CHCHD6: variants seen among roughly 807,000 people sequenced by gnomAD.
The protein encoded by CHCHD6 is MICOS complex subunit MIC25.
In CHCHD6, 28 loss-of-function variants were observed where a neutral mutation model predicts 32.3. The ratio of observed to expected loss-of-function variants is 0.87; its 90% CI spans 0.64 to 1.19. The LOEUF is 1.19. Among genes scored for constraint, CHCHD6 ranks in the 50% most tolerant of loss-of-function variants. The pLI is 0.00. For missense variants in CHCHD6, 333 were observed against 307.0 expected, an observed-to-expected ratio of 1.08 and a Z score of -0.63; for synonymous variants, 122 against 117.5, an observed-to-expected ratio of 1.04 and a Z score of -0.25.
chr3:126,730,707 T>A (rs1333499964), intron 3 of CHCHD6, 77 bp downstream of exon 3: 7 of 1,222,470 alleles, frequency 5.7e-6, no homozygotes, highest in Non-Finnish European at 8.3e-6. Flanking sequence ...ACCCCTCTCC[T>A]TGCCTGAAGC....
chr3:126,899,340 G>C (rs2077887285), intron 5 of CHCHD6, among the ~76,000 whole-genome samples: 1 of 151,940 alleles, frequency 6.6e-6, no homozygotes, highest in South Asian at 2.1e-4. Context: ...CATCAAATTT[G>C]CAAATTTTCC....
chr3:126,917,148 G>T (rs2078183292), intron 6 of CHCHD6, among the ~76,000 whole-genome samples: 1 of 152,228 alleles, frequency 6.6e-6, no homozygotes, highest in Non-Finnish European at 1.5e-5. Flanking sequence ...GAAGCCTAAG[G>T]TTTTTTTGTT....
intron 5 of CHCHD6, among the ~76,000 whole-genome samples, chr3:126,909,799 G>A (rs540809507): frequency 4.6e-5 from 7 of 152,210 alleles, no homozygotes; most frequent in South Asian, 2.1e-4. Context: ...GTGAGAATTC[G>A]GTAGAGCGCA....
intron 4 of CHCHD6, among the ~76,000 whole-genome samples, chr3:126,763,152 A>G (rs1056843413): frequency 6.6e-6 from 1 of 151,274 alleles, no homozygotes; most frequent in Non-Finnish European, 1.5e-5. Context: ...AACTGATTTG[A>G]TTCCCTTCTG....
chr3:126,829,405 T>C (rs905289298), intron 4 of CHCHD6, among the ~76,000 whole-genome samples: 6 of 151,936 alleles, frequency 3.9e-5, no homozygotes, highest in Admixed American at 2.6e-4. Flanking sequence ...CTCCCACATA[T>C]CAGCTCTCCT....
intron 1 of CHCHD6, among the ~76,000 whole-genome samples, chr3:126,724,722 C>T (rs1262693079): frequency 6.6e-6 from 1 of 152,154 alleles, no homozygotes; most frequent in Non-Finnish European, 1.5e-5. Flanking sequence ...TCTCTAAAAC[C>T]CTGCTGCTAC....
At chr3:126,941,561 T>C (rs971506641) in intron 6 of CHCHD6, among the ~76,000 whole-genome samples, 1 of 152,180 alleles carries the variant, frequency 6.6e-6, no homozygotes, top group East Asian at 1.9e-4. Context: ...GACTCTTTTT[T>C]TGGGGGATAA....
intron 4 of CHCHD6, among the ~76,000 whole-genome samples, chr3:126,792,711 A>G (rs1245270265): frequency 1.3e-5 from 2 of 151,988 alleles, no homozygotes; most frequent in Admixed American, 6.5e-5. Flanking sequence ...TATGTTTGAA[A>G]CTAATGTTTA....
intron 4 of CHCHD6, among the ~76,000 whole-genome samples, chr3:126,795,019 T>A (rs1310993969): frequency 2.0e-5 from 3 of 152,182 alleles, no homozygotes; most frequent in Non-Finnish European, 4.4e-5. Flanking sequence ...GTGAAAATAT[T>A]CTCCTAGACA....
At chr3:126,922,208 G>A (rs758657011) in intron 6 of CHCHD6, among the ~76,000 whole-genome samples, 12 of 152,116 alleles carry the variant, frequency 7.9e-5, no homozygotes, top group East Asian at 1.9e-4. Context: ...ACGTGCCAGC[G>A]ACTGTGCTTG....
chr3:126,758,351 A>T (rs1281884766), intron 4 of CHCHD6, among the ~76,000 whole-genome samples: 1 of 152,222 alleles, frequency 6.6e-6, no homozygotes, highest in Admixed American at 6.5e-5. Flanking sequence ...ATGTTTAATT[A>T]TGTAAATGGC....
intron 5 of CHCHD6, among the ~76,000 whole-genome samples, chr3:126,893,099 G>T (rs886958242): frequency 2.6e-5 from 4 of 151,890 alleles, no homozygotes; most frequent in African/African-American, 9.7e-5. Flanking sequence ...CTCCCAAGTA[G>T]CTGGGATTAC....
chr3:126,825,841 C>G (rs935974679), intron 4 of CHCHD6, among the ~76,000 whole-genome samples: 5 of 152,178 alleles, frequency 3.3e-5, no homozygotes, highest in South Asian at 2.1e-4. Flanking sequence ...TCAATTTGGT[C>G]TAACAACCTG....
intron 4 of CHCHD6, among the ~76,000 whole-genome samples, chr3:126,799,494 T>G (rs1401146693): frequency 6.6e-6 from 1 of 152,216 alleles, no homozygotes; most frequent in Non-Finnish European, 1.5e-5. Context: ...GATCCATCTT[T>G]CTTTAGAAAA....
chr3:126,814,069 T>G (rs1939774457), intron 4 of CHCHD6, among the ~76,000 whole-genome samples: 1 of 152,194 alleles, frequency 6.6e-6, no homozygotes, highest in Non-Finnish European at 1.5e-5. Flanking sequence ...TATTGATGGG[T>G]AGCTTTCTTT....
At chr3:126,789,400 C>T (rs916784957) in intron 4 of CHCHD6, among the ~76,000 whole-genome samples, 4 of 152,266 alleles carry the variant, frequency 2.6e-5, no homozygotes, top group South Asian at 2.1e-4. Flanking sequence ...TCTCGTTGAT[C>T]TGTCTAATGT....
At chr3:126,794,901 G>C (rs1938720362) in intron 4 of CHCHD6, among the ~76,000 whole-genome samples, 1 of 152,140 alleles carries the variant, frequency 6.6e-6, no homozygotes, top group Admixed American at 6.5e-5. Context: ...GCAAACATTT[G>C]TTACCTTGGG....
chr3:126,755,661 A>G (rs532583725), intron 4 of CHCHD6, among the ~76,000 whole-genome samples: 12 of 152,310 alleles, frequency 7.9e-5, no homozygotes, highest in African/African-American at 2.6e-4. Flanking sequence ...AGAACATTCT[A>G]TTAGTCTAAA....
intron 6 of CHCHD6, among the ~76,000 whole-genome samples, chr3:126,916,615 G>A (rs1362860727): frequency 6.6e-6 from 1 of 152,170 alleles, no homozygotes; most frequent in African/African-American, 2.4e-5. Context: ...GTGCTGCACT[G>A]CCCTGCAGGG....
Sources: allele counts gnomAD v4.1 joint callset (sites outside exome capture counted in the v4.1 genomes callset), GRCh38; gene constraint gnomAD v4.1.1; transcripts MANE v1.5; gene names NCBI Gene and HGNC (gene_info 2026-07-23, HGNC 2026-07-21).